The following DPY19L2 variants were observed in gnomAD, a reference collection of about 807,000 sequenced individuals.
DPY19L2 encodes probable C-mannosyltransferase DPY19L2.
A neutral mutation model predicts 97.9 loss-of-function variants in DPY19L2; 34 were observed. That is an observed-to-expected ratio of 0.35 (90% CI 0.26 to 0.46). The LOEUF is 0.46. Ranked by LOEUF, DPY19L2 falls within the 20% of genes least tolerant of loss-of-function variation. DPY19L2 has a pLI of 1.00. For synonymous variants in DPY19L2, 230 were observed against 307.9 expected (o/e 0.75, Z 2.65); for missense variants, 623 against 911.4 (o/e 0.68, Z 4.07).
chr12:63,591,960 A>G (rs1883014279), intron 16 of DPY19L2, among the ~76,000 whole-genome samples: 1 of 106,078 alleles, frequency 9.4e-6, no homozygotes, highest in African/African-American at 4.0e-5. Flanking sequence ...AGAAAAGAAA[A>G]GAAAAGAAAA....
At chr12:63,598,858 G>A (rs1884668371) in intron 13 of DPY19L2, among the ~76,000 whole-genome samples, 1 of 151,802 alleles carries the variant, frequency 6.6e-6, no homozygotes, top group African/African-American at 2.4e-5. Flanking sequence ...TACCAAGGAA[G>A]TGTGTTTGCA....
chr12:63,611,066 ACAAAC>A (rs1565762972), intron 11 of DPY19L2, among the ~76,000 whole-genome samples: 2 of 151,912 alleles, frequency 1.3e-5, no homozygotes, highest in Non-Finnish European at 2.9e-5. Context: ...ATAAAACAAA[ACAAAC>A]CAAAACTAAA....
chr12:63,660,340 T>C (rs1340497674), intron 4 of DPY19L2, among the ~76,000 whole-genome samples: 7 of 151,610 alleles, frequency 4.6e-5, no homozygotes, highest in South Asian at 2.1e-4. Flanking sequence ...GAAATATATA[T>C]ATACAGAAAG....
chr12:63,604,369 A>G (rs565443465), intron 12 of DPY19L2, among the ~76,000 whole-genome samples: 1 of 152,294 alleles, frequency 6.6e-6, no homozygotes, highest in East Asian at 1.9e-4. Flanking sequence ...CTGCAGGTAC[A>G]GATTCTGCAG....
intron 4 of DPY19L2, among the ~76,000 whole-genome samples, chr12:63,648,911 C>A (rs1468103861): frequency 1.3e-5 from 2 of 151,718 alleles, no homozygotes; most frequent in African/African-American, 2.4e-5. Flanking sequence ...GATTTTAAAG[C>A]AACAATCATA....
At chr12:63,629,740 G>A (rs1308598090) in intron 6 of DPY19L2, among the ~76,000 whole-genome samples, 1 of 152,016 alleles carries the variant, frequency 6.6e-6, no homozygotes, top group Non-Finnish European at 1.5e-5. Flanking sequence ...TCCTCGAGAA[G>A]AGCAACTCCA....
Position 63,559,698 on chromosome 12 carries a change from T to G in DPY19L2, c.*814A>C, listed in dbSNP as rs1485868003. 1.3e-5 allele frequency: 2 copies of G among 152,180 alleles called. No homozygotes were observed. Among genetic ancestry groups the G allele is most frequent in the African/African-American group, 4.8e-5 (2 of 41,444 alleles). 9.4% of individuals were successfully genotyped at this position (152,180 alleles called of 1,614,324 possible). A position where few individuals can be genotyped will look rare whatever the true frequency, so the allele number is the denominator to read the frequency against. On this transcript the variant is annotated 3_prime_UTR_variant, in exon 22 of 22. Coordinates refer to ENST00000324472, the MANE Select transcript of DPY19L2 (RefSeq NM_173812.5). ...ATTCAAGATCTAGGATCTGAAAATC[T>G]CACTTCATAAATTTAACTGGATTTT...
chr12:63,646,691 C>T (rs1381956956), intron 5 of DPY19L2, among the ~76,000 whole-genome samples: 1 of 152,094 alleles, frequency 6.6e-6, no homozygotes, highest in Non-Finnish European at 1.5e-5. Flanking sequence ...GAAGTGACCA[C>T]TATGTATCCT....
Position 63,636,112 on chromosome 12 carries a change from C to T in DPY19L2, c.803+8291G>A, listed in dbSNP as rs866985347. ...AAACTCTACAAGCCAGAAGGGGGGG[C>T]GGCCAATATTCAACATTCTTAAAGA... On this transcript the variant is annotated intron_variant, in intron 6 of 21. Coordinates refer to ENST00000324472, the MANE Select transcript of DPY19L2 (RefSeq NM_173812.5). Among the ~76,000 whole-genome samples the T allele has an allele frequency of 4.2e-5, 6 of 141,266 alleles. No individual in the cohort carries two copies. In the South Asian group the frequency reaches 6.8e-4, roughly 16 times the overall value. 92.7% of individuals were successfully genotyped at this position (141,266 alleles called of 152,430 possible). A position where few individuals can be genotyped will look rare whatever the true frequency, so the allele number is the denominator to read the frequency against.
intron 6 of DPY19L2, among the ~76,000 whole-genome samples, chr12:63,630,092 G>C (rs1290855836): frequency 6.6e-6 from 1 of 152,082 alleles, no homozygotes; most frequent in Non-Finnish European, 1.5e-5. Flanking sequence ...GGAACAACTG[G>C]TACCAGCCAC....
chr12:63,627,667 T>C (rs138213740), intron 6 of DPY19L2, among the ~76,000 whole-genome samples: 2,230 of 152,272 alleles, frequency 0.015, 25 homozygotes, highest in Non-Finnish European at 0.021. Context: ...ATTTCTTAAA[T>C]TGCCTTTTTG....
intron 6 of DPY19L2, among the ~76,000 whole-genome samples, chr12:63,628,438 G>A (rs1435996090): frequency 6.6e-6 from 1 of 152,164 alleles, no homozygotes; most frequent in Non-Finnish European, 1.5e-5. Context: ...CTGGCTCGGA[G>A]GGTCCTATGC....
At chr12:63,589,357 CAAAA>C (rs71086687) in intron 16 of DPY19L2, among the ~76,000 whole-genome samples, 6 of 18,992 alleles carry the variant, frequency 3.2e-4, no homozygotes, top group African/African-American at 8.8e-4. Flanking sequence ...AAATGTGTTG[CAAAA>C]AAAAAAAAAA....
At chr12:63,564,944 T>G (rs934944052) in intron 21 of DPY19L2, among the ~76,000 whole-genome samples, 3 of 152,198 alleles carry the variant, frequency 2.0e-5, no homozygotes, top group Non-Finnish European at 4.4e-5. Flanking sequence ...TACATCCTCT[T>G]GAAATATAGA....
At chr12:63,633,367 GA>G (rs1327978468) in intron 6 of DPY19L2, among the ~76,000 whole-genome samples, 1 of 151,878 alleles carries the variant, frequency 6.6e-6, no homozygotes, top group Non-Finnish European at 1.5e-5. Flanking sequence ...AAATTTACAA[GA>G]AAAAAACAAA....
At chr12:63,618,032 A>G (rs1340950870) in intron 10 of DPY19L2, 119 bp downstream of exon 10, 3 of 915,656 alleles carry the variant, frequency 3.3e-6, no homozygotes, top group Admixed American at 2.8e-5. Context: ...GGATATCACC[A>G]ATACCATATG....
At position 63,617,481 on chromosome 12, in the gene DPY19L2, T is replaced by C. The variant is rs1888045586; in HGVS notation, c.1132-91A>G. ...GGTATATAGCCATTTCTAATGCAAA[T>C]TTATTTGCATAAAGATGAATGACTC... is the stretch of plus-strand genomic sequence containing the variant. On this transcript the variant is annotated intron_variant, in intron 10 of 21. Coordinates refer to ENST00000324472, the MANE Select transcript of DPY19L2 (RefSeq NM_173812.5). 3 of 749,030 alleles carry C rather than the reference T, an allele frequency of 4.0e-6. No homozygotes were observed. The Admixed American group carries it at 9.5e-5, about 24-fold the overall frequency. The allele number at this position is 749,030 out of a possible 1,614,324, so 46.4% of individuals were successfully genotyped here.
At chr12:63,609,236 T>C (rs185604621) in intron 11 of DPY19L2, among the ~76,000 whole-genome samples, 30 of 152,084 alleles carry the variant, frequency 2.0e-4, no homozygotes, top group African/African-American at 5.5e-4. Context: ...GCTTGTATTG[T>C]AAGGGGAGGG....
chr12:63,608,371 A>T (rs1157296032), intron 12 of DPY19L2, among the ~76,000 whole-genome samples: 3 of 152,210 alleles, frequency 2.0e-5, no homozygotes, highest in Admixed American at 1.3e-4. Context: ...AGAATGAAAC[A>T]TAAAGGAAGA....
Sources: gnomAD v4.1 joint callset for allele counts (sites outside exome capture counted in the v4.1 genomes callset) on GRCh38, gnomAD v4.1.1 for gene constraint, MANE v1.5 for transcripts, NCBI Gene and HGNC (gene_info 2026-07-23, HGNC 2026-07-21) for gene names.